DYNC1H1: variants seen among roughly 807,000 people sequenced by gnomAD.
DYNC1H1 encodes cytoplasmic dynein 1 heavy chain 1.
A neutral mutation model predicts 527.1 loss-of-function variants in DYNC1H1; 51 were observed. That is an observed-to-expected ratio of 0.10 (90% CI 0.08 to 0.12). The LOEUF (loss-of-function observed/expected upper bound fraction) is 0.12. DYNC1H1 is among the 10% of genes least tolerant of loss of function. The probability of loss-of-function intolerance (pLI) is 1.00; values close to 1 mark genes in which losing one functional copy is unlikely to be tolerated. For missense variants in DYNC1H1, 2,771 were observed against 5,971.8 expected, an observed-to-expected ratio of 0.46 and a Z score of 17.66; for synonymous variants, 2,189 against 2,278.8, an observed-to-expected ratio of 0.96 and a Z score of 1.12.
Position 102,044,210 on chromosome 14 carries a change from G to A in DYNC1H1, c.12685-64G>A, listed in dbSNP as rs984014552. ...AGTGAGGAGGAAAGCTGTGCCCCTC[G>A]AAAGGAAGCCCCGGGCCTGCCCGCC... On this transcript the variant is annotated intron_variant, in intron 70 of 77. Coordinates refer to ENST00000360184, the MANE Select transcript of DYNC1H1 (RefSeq NM_001376.5). This position sits in a 1 kb window ranked among gnomAD's most constrained non-coding sequence, Gnocchi z 7.1. 87 of 1,602,210 alleles carry A rather than the reference G, an allele frequency of 5.4e-5. No homozygotes were observed. The highest frequency in any genetic ancestry group is 2.3e-4 in the South Asian group (21 of 90,040).
intron 7 of DYNC1H1, among the ~76,000 whole-genome samples, chr14:101,984,449 TA>T (rs1485891094): frequency 5.7e-4 from 60 of 106,148 alleles, no homozygotes; most frequent in African/African-American, 2.1e-3. Context: ...ATATATATTA[TA>T]TTTTTTTTTT....
Position 102,040,578 on chromosome 14 carries a change from T to C in DYNC1H1, c.11866-20T>C, listed in dbSNP as rs765311022. On this transcript the variant is annotated intron_variant, in intron 63 of 77. Transcript: ENST00000360184. ...GAGGCCAGCCCTGCTCCATGGGTGC[T>C]TCCACTATTGTCTCCACAGCAATTT... The C allele has an allele frequency of 1.1e-5, 18 of 1,614,174 alleles. No individual in the cohort carries two copies. The highest frequency in any genetic ancestry group is 1.7e-5 in the Admixed American group (1 of 60,024).
Position 101,997,110 on chromosome 14 carries a change from A to G in DYNC1H1, c.3640A>G (p.Ile1214Val), listed in dbSNP as rs758763603. Reference sequence around the variant, plus strand: ...ACCTTCCTGGCTTTATATTGACAACATCGAGGGAGAGTGGGGAGCCTTCAA... The same window carrying G: ...ACCTTCCTGGCTTTATATTGACAACGTCGAGGGAGAGTGGGGAGCCTTCAA... ...FPPSWLYIDN[I>V]EGEWGAFNDI... The change falls in exon 16 of 78, where the codon ATC (isoleucine) becomes GTC (valine). Residue 1214 changes from isoleucine to valine, a missense_variant. Ile to Val is a conservative substitution (Grantham distance 29). Around this residue, in one of 32 missense-constraint regions of DYNC1H1, gnomAD observed 223 missense variants for 462.5 expected, o/e 0.48. Transcript: ENST00000360184. This position sits in a 1 kb window ranked among gnomAD's most constrained non-coding sequence, Gnocchi z 4.8. 1.2e-6 allele frequency: 2 copies of G among 1,614,216 alleles called. No homozygotes were observed. Among genetic ancestry groups the G allele is most frequent in the Non-Finnish European group, 1.7e-6 (2 of 1,180,044 alleles).
At position 102,012,748 on chromosome 14, in the gene DYNC1H1, T is replaced by G. The variant is rs1311117982; in HGVS notation, c.7014+278T>G. On this transcript the variant is annotated intron_variant, in intron 34 of 77. Coordinates refer to ENST00000360184, the MANE Select transcript of DYNC1H1 (RefSeq NM_001376.5). The surrounding 1 kb of genome is among the most constrained non-coding windows in gnomAD (Gnocchi z 4.9). ...ATCAGTTAACCCTGTATGGTGGGGT[T>G]GTCGTTAAGGTTTCTTAAGCTGTTA... 6.3e-6 allele frequency: 3 copies of G among 474,066 alleles called. No homozygotes were observed. The highest frequency in any genetic ancestry group is 1.2e-5 in the Non-Finnish European group (3 of 260,388). 29.4% of individuals were successfully genotyped at this position (474,066 alleles called of 1,614,324 possible).
rs1310729000 is a variant in DYNC1H1, at chr14:102,054,974, G to A, written c.*4411G>A. On this transcript the variant is annotated 3_prime_UTR_variant, in exon 78 of 78. Transcript: ENST00000360184. ...GGTCTCCCAAAGTGCTAGGATTATG[G>A]GCCTGAGCCACCCCACCCGGCCCAA... The A allele has an allele frequency of 6.6e-6, 1 of 152,292 alleles. No homozygotes were observed. The highest frequency in any genetic ancestry group is 1.5e-5 in the Non-Finnish European group (1 of 68,146). 9.4% of individuals were successfully genotyped at this position (152,292 alleles called of 1,614,324 possible). A position where few individuals can be genotyped will look rare whatever the true frequency, so the allele number is the denominator to read the frequency against.
intron 57 of DYNC1H1, chr14:102,037,231 C>G (rs1275188000): frequency 1.9e-5 from 3 of 157,396 alleles, no homozygotes; most frequent in Non-Finnish European, 4.2e-5. Flanking sequence ...CAAGACCACC[C>G]TGGCCAACAT....
chr14:102,020,019 A>G lies in DYNC1H1; in HGVS notation c.8470A>G (p.Ile2824Val). 6.2e-7 allele frequency: 1 copy of G among 1,614,128 alleles called. No individual in the cohort carries two copies. Among genetic ancestry groups the G allele is most frequent in the Non-Finnish European group, 8.5e-7 (1 of 1,180,032 alleles). Residue 2824 changes from isoleucine to valine, a missense_variant, in exon 42 of 78, where the codon ATT becomes GTT. Ile to Val is a conservative substitution (Grantham distance 29, BLOSUM62 3). Around this residue, in one of 32 missense-constraint regions of DYNC1H1, gnomAD observed 163 missense variants for 346.9 expected, o/e 0.47. Coordinates refer to ENST00000360184, the MANE Select transcript of DYNC1H1 (RefSeq NM_001376.5). The surrounding 1 kb of genome is among the most constrained non-coding windows in gnomAD (Gnocchi z 4.3). ...CCTGCCTGTTGAAGGCCTCATTCGG[A>G]TTTGGGCACATGAAGCTCTGCGTCT... is the stretch of plus-strand genomic sequence containing the variant. The part of the protein sequence containing the change: ...ETLPVEGLIR[I>V]WAHEALRLFQ...
At position 101,986,819 on chromosome 14, in the gene DYNC1H1, CG is replaced by C; in HGVS notation, c.2538+57del. The C allele has an allele frequency of 1.3e-6, 2 of 1,594,138 alleles. No homozygotes were observed. The highest frequency in any genetic ancestry group is 2.2e-5 in the South Asian group (2 of 90,382). On this transcript the variant is annotated intron_variant, in intron 8 of 77. Transcript: ENST00000360184. The surrounding 1 kb of genome is among the most constrained non-coding windows in gnomAD (Gnocchi z 8.7). ...GGTAACGAATGAAGCACAGTAATAG[CG>C]AGCTCAGTTAAAACACTAGTTCTCC...
chr14:102,046,074 AGGAGAATGG>A (rs2048713676), intron 72 of DYNC1H1, among the ~76,000 whole-genome samples: 1 of 152,048 alleles, frequency 6.6e-6, no homozygotes, highest in Non-Finnish European at 1.5e-5. Context: ...AGGCTGAGGC[AGGAGAATGG>A]CGTGAACCCG....
chr14:102,002,495 G>A lies in DYNC1H1; in HGVS notation c.4543-42G>A, dbSNP rs1454940815. 2 of 1,612,718 alleles carry A rather than the reference G, an allele frequency of 1.2e-6. No individual in the cohort carries two copies. The highest frequency in any genetic ancestry group is 1.7e-5 in the Admixed American group (1 of 59,984). On this transcript the variant is annotated intron_variant, in intron 21 of 77. Coordinates refer to ENST00000360184, the MANE Select transcript of DYNC1H1 (RefSeq NM_001376.5). This position sits in a 1 kb window ranked among gnomAD's most constrained non-coding sequence, Gnocchi z 4.4. The stretch of plus-strand genomic sequence containing the variant: ...GTGAGTTTTGGCATATCTGTGAGTA[G>A]AAGGGTCAGCAGTTTACCTCTCCCT...
At chr14:102,046,797 C>CT (rs1423673156) in intron 72 of DYNC1H1, among the ~76,000 whole-genome samples, 3 of 148,860 alleles carry the variant, frequency 2.0e-5, no homozygotes, top group African/African-American at 7.7e-5. Flanking sequence ...CTGCTGGTTC[C>CT]GTTTTTTTTT....
In DYNC1H1 at chr14:102,000,573, CT is replaced by C. The variant is rs11381677; in HGVS notation, c.4074+192del. 0.12 allele frequency: 48,260 copies of C among 399,226 alleles called. 1 individual carries two copies. The highest frequency in any genetic ancestry group is 0.15 in the South Asian group (6,446 of 42,846). The allele number at this position is 399,226 out of a possible 1,614,324, so 24.7% of individuals were successfully genotyped here. A position where few individuals can be genotyped will look rare whatever the true frequency, so the allele number is the denominator to read the frequency against. Reference sequence around the variant, plus strand: ...AATACTGTAAAACTTATTTTGAAACCTTTTTTTTTTTTTTTTTTGAGACGGA... The same window carrying C: ...AATACTGTAAAACTTATTTTGAAACCTTTTTTTTTTTTTTTTTGAGACGGA... On this transcript the variant is annotated intron_variant, in intron 18 of 77. Coordinates refer to ENST00000360184, the MANE Select transcript of DYNC1H1 (RefSeq NM_001376.5).
In DYNC1H1 at chr14:102,004,936, A is replaced by C; in HGVS notation, c.5224A>C (p.Ile1742Leu). ...TGACCCAAATACCTACATCACTTGGATTGATAAATACCAGGTAATCTATAG... is the reference window on the plus strand; with the variant it reads ...TGACCCAAATACCTACATCACTTGGCTTGATAAATACCAGGTAATCTATAG... ...SIDPNTYITW[I>L]DKYQAQLVVL... The change falls in exon 25 of 78, where the codon ATT becomes CTT. Residue 1742 changes from isoleucine to leucine, a missense_variant. Ile to Leu is a conservative substitution (Grantham distance 5, BLOSUM62 2). Transcript: ENST00000360184. 1 of 1,614,214 alleles carries C rather than the reference A, an allele frequency of 6.2e-7. No homozygotes were observed. The highest frequency in any genetic ancestry group is 8.5e-7 in the Non-Finnish European group (1 of 1,180,046).
chr14:101,986,350 C>T lies in DYNC1H1; in HGVS notation c.2125C>T (p.Arg709Cys). Residue 709 changes from arginine to cysteine, a missense_variant, in exon 8 of 78, where the codon CGC becomes TGC. This residue lies in a region of DYNC1H1 where 264 missense variants were observed against 619.4 expected (regional missense o/e 0.43). Transcript: ENST00000360184. This position sits in a 1 kb window ranked among gnomAD's most constrained non-coding sequence, Gnocchi z 8.7. Reference protein sequence around the residue: ...FDDWARKVQQRNLGVSGRIFT... With the variant: ...FDDWARKVQQCNLGVSGRIFT... The stretch of plus-strand genomic sequence containing the variant: ...TGACTGGGCAAGGAAGGTGCAGCAG[C>T]GCAACCTCGGTGTCTCGGGGCGCAT... 6.2e-7 allele frequency: 1 copy of T among 1,613,916 alleles called. No individual in the cohort carries two copies. Among genetic ancestry groups the T allele is most frequent in the Non-Finnish European group, 8.5e-7 (1 of 1,179,986 alleles).
In DYNC1H1 at chr14:102,044,583, C is replaced by A; in HGVS notation, c.12903-12C>A. ...ACCCCTGACATCATTTCCAAATGCA[C>A]TGGTTTTCTAGGCGAGAGGAGTTTG... On this transcript the variant is annotated splice_polypyrimidine_tract_variant and intron_variant, in intron 71 of 77. Coordinates refer to ENST00000360184, the MANE Select transcript of DYNC1H1 (RefSeq NM_001376.5). The surrounding 1 kb of genome is among the most constrained non-coding windows in gnomAD (Gnocchi z 7.1). 1 of 1,614,184 alleles carries A rather than the reference C, an allele frequency of 6.2e-7. No individual in the cohort carries two copies. Among genetic ancestry groups the A allele is most frequent in the Non-Finnish European group, 8.5e-7 (1 of 1,180,036 alleles).
At chr14:101,982,291 G>GTAA (rs1383717367) in intron 5 of DYNC1H1, among the ~76,000 whole-genome samples, 1 of 152,042 alleles carries the variant, frequency 6.6e-6, no homozygotes, top group Non-Finnish European at 1.5e-5. Context: ...TGGTGAGTAT[G>GTAA]TAATAATAAT....
Position 102,002,999 on chromosome 14 carries a change from A to G in DYNC1H1, c.4883+34A>G, listed in dbSNP as rs112287269. 5 of 1,613,134 alleles carry G rather than the reference A, an allele frequency of 3.1e-6. No homozygotes were observed. In the African/African-American group the frequency reaches 6.7e-5, roughly 22 times the overall value. ...CTTGCTTTGACTTGGCCTGGAGTCA[A>G]GTTGAATTTCAGTTGTGCATTTTTC... is the stretch of plus-strand genomic sequence containing the variant. On this transcript the variant is annotated intron_variant, in intron 23 of 77. Coordinates refer to ENST00000360184, the MANE Select transcript of DYNC1H1 (RefSeq NM_001376.5). The surrounding 1 kb of genome is among the most constrained non-coding windows in gnomAD (Gnocchi z 4.4).
intron 41 of DYNC1H1, 60 bp from the exon 42 acceptor site, chr14:102,019,833 G>A: frequency 1.2e-6 from 2 of 1,606,300 alleles, no homozygotes; most frequent in Non-Finnish European, 1.7e-6. Flanking sequence ...TTTACCTTTT[G>A]ACCACTTCTC....
rs1184946610 is a variant in DYNC1H1, at chr14:102,027,605, G to A, written c.9049-14G>A. 1 of 1,614,174 alleles carries A rather than the reference G, an allele frequency of 6.2e-7. No individual in the cohort carries two copies. Among genetic ancestry groups the A allele is most frequent in the Admixed American group, 1.7e-5 (1 of 60,020 alleles). On this transcript the variant is annotated splice_polypyrimidine_tract_variant and intron_variant, in intron 46 of 77. Transcript: ENST00000360184. This position sits in a 1 kb window ranked among gnomAD's most constrained non-coding sequence, Gnocchi z 7.7. ...ACCGGGGGACCAGTAAGTCAGCACT[G>A]TGCTGTTTCCCAGGTGCCTGGTCTC...
Sources: allele counts gnomAD v4.1 joint callset (sites outside exome capture counted in the v4.1 genomes callset), GRCh38; gene constraint gnomAD v4.1.1; regional missense constraint gnomAD v4.1.1; non-coding constraint Gnocchi (gnomAD v3.1); transcripts MANE v1.5; gene names NCBI Gene and HGNC (gene_info 2026-07-23, HGNC 2026-07-21).